Variants in FOXP1 observed in about 807,000 individuals in gnomAD.
The protein encoded by FOXP1 is forkhead box protein P1.
In FOXP1, 15 loss-of-function variants were observed where a neutral mutation model predicts 98.2. The ratio of observed to expected loss-of-function variants is 0.15; its 90% confidence interval spans 0.10 to 0.24. The LOEUF is 0.24. Among genes scored for constraint, FOXP1 ranks in the 10% least tolerant of loss-of-function variants. The probability of loss-of-function intolerance (pLI) is 1.00; values close to 1 mark genes in which losing one functional copy is unlikely to be tolerated. For missense variants in FOXP1, 633 were observed against 848.5 expected (o/e 0.75, Z 3.15); for synonymous variants, 371 against 314.5 (o/e 1.18, Z -1.90).
intron 2 of FOXP1, chr3:71,574,485 G>C (rs942663359): frequency 7.9e-5 from 12 of 152,060 alleles, no homozygotes; most frequent in African/African-American, 2.2e-4. Flanking sequence ...TAATCTTGTA[G>C]GATGCCTTCT....
At chr3:71,374,168 A>C (rs1437332656) in intron 3 of FOXP1, among the ~76,000 whole-genome samples, 1 of 152,200 alleles carries the variant, frequency 6.6e-6, no homozygotes, top group Admixed American at 6.5e-5. Context: ...CGTTTCTAGA[A>C]CGTGTTCTCA....
chr3:71,166,989 G>A (rs896973968), intron 6 of FOXP1, among the ~76,000 whole-genome samples: 19 of 151,950 alleles, frequency 1.3e-4, no homozygotes, highest in Non-Finnish European at 2.9e-5. Flanking sequence ...CGGTTATCTT[G>A]TTCTGTGACA....
At chr3:71,208,679 T>TGTAAG (rs2064231902) in intron 5 of FOXP1, among the ~76,000 whole-genome samples, 1 of 152,152 alleles carries the variant, frequency 6.6e-6, no homozygotes, top group Admixed American at 6.5e-5. Context: ...CATTTGTGTT[T>TGTAAG]ATGAACAAAC....
intron 3 of FOXP1, among the ~76,000 whole-genome samples, chr3:71,393,192 C>T (rs1194293404): frequency 6.6e-6 from 1 of 151,962 alleles, no homozygotes; most frequent in African/African-American, 2.4e-5. Flanking sequence ...ATACTGAAAA[C>T]CCCATGAAGT....
chr3:71,042,453 T>C (rs2106890981), intron 10 of FOXP1, among the ~76,000 whole-genome samples: 1 of 152,262 alleles, frequency 6.6e-6, no homozygotes, highest in African/African-American at 2.4e-5. Context: ...CCCACCTCAA[T>C]GCATATTCTA....
chr3:71,460,342 C>T (rs1032692985), intron 3 of FOXP1, among the ~76,000 whole-genome samples: 5 of 151,960 alleles, frequency 3.3e-5, no homozygotes, highest in African/African-American at 7.3e-5. Context: ...TGGATTCAAG[C>T]GATTCTCCTG....
intron 4 of FOXP1, chr3:71,304,551 T>C (rs2074113187): frequency 6.6e-6 from 1 of 152,198 alleles, no homozygotes; most frequent in African/African-American, 2.4e-5. Context: ...GTGAAAACTA[T>C]TATCTCTATC....
chr3:71,041,351 T>A lies in FOXP1; in HGVS notation c.846A>T (p.Ser282=), dbSNP rs2048310158. The change falls in exon 11 of 21, where the codon TCA becomes TCT. Residue 282 remains serine (S), a synonymous_variant. Transcript: ENST00000649528. The part of the protein sequence containing the change: ...NPHASTNGQL[S]VHTPKRESLS... ...ACCTTTCCCTTTTGGGAGTGTGGAC[T>A]GAGAGCTGTCCATTGGTAGAGGCAT... 2 of 1,613,656 alleles carry A rather than the reference T, an allele frequency of 1.2e-6. No homozygotes were observed. The highest frequency in any genetic ancestry group is 2.2e-5 in the South Asian group (2 of 91,084).
intron 5 of FOXP1, among the ~76,000 whole-genome samples, chr3:71,269,938 A>G (rs970562548): frequency 6.6e-6 from 1 of 152,188 alleles, no homozygotes; most frequent in Non-Finnish European, 1.5e-5. Flanking sequence ...AGTTAGAGGC[A>G]GGGGGGAAAA....
intron 3 of FOXP1, among the ~76,000 whole-genome samples, chr3:71,386,051 A>G (rs953768347): frequency 2.6e-5 from 4 of 152,076 alleles, no homozygotes; most frequent in African/African-American, 7.3e-5. Flanking sequence ...TACCAACTCC[A>G]TTCTCCCAAT....
chr3:71,286,556 C>T (rs964707103), intron 5 of FOXP1, among the ~76,000 whole-genome samples: 3 of 151,960 alleles, frequency 2.0e-5, no homozygotes, highest in African/African-American at 7.3e-5. Flanking sequence ...TGTGCTGGGA[C>T]AAGAGAATGA....
intron 2 of FOXP1, among the ~76,000 whole-genome samples, chr3:71,575,234 C>T (rs2047635551): frequency 2.0e-5 from 3 of 152,158 alleles, no homozygotes. Flanking sequence ...AAAAACAACA[C>T]AGGATGGGCC....
In FOXP1 at chr3:71,331,958, T is replaced by C. The variant is rs150358353; in HGVS notation, c.-73+27192A>G. Among the ~76,000 whole-genome samples, 430 of 152,292 alleles carry C rather than the reference T, an allele frequency of 2.8e-3. 2 individuals are homozygous for C. The highest frequency in any genetic ancestry group is 0.026 in the South Asian group (126 of 4,826). On this transcript the variant is annotated intron_variant, in intron 4 of 20. Coordinates refer to ENST00000649528, the MANE Select transcript of FOXP1 (RefSeq NM_001349338.3). Reference sequence around the variant, plus strand: ...TGCACCAATCAGCACCCTGTCAACATGGACCAATCAGCTCTCTGTAAAACA... The same window carrying C: ...TGCACCAATCAGCACCCTGTCAACACGGACCAATCAGCTCTCTGTAAAACA...
intron 6 of FOXP1, among the ~76,000 whole-genome samples, chr3:71,115,062 A>C (rs934746326): frequency 1.3e-5 from 2 of 152,172 alleles, no homozygotes; most frequent in African/African-American, 4.8e-5. Context: ...ATATATTTTA[A>C]GTGCTATCAT....
At chr3:71,249,685 T>C (rs1297223981) in intron 5 of FOXP1, among the ~76,000 whole-genome samples, 2 of 152,192 alleles carry the variant, frequency 1.3e-5, no homozygotes, top group African/African-American at 4.8e-5. Flanking sequence ...ATAATGAAGC[T>C]GGCCTGGAGT....
intron 3 of FOXP1, among the ~76,000 whole-genome samples, chr3:71,373,536 G>T (rs908788971): frequency 8.5e-5 from 13 of 152,130 alleles, no homozygotes. Flanking sequence ...TATACCAAAT[G>T]ATTTTTCTAT....
chr3:71,034,222 C>T (rs887548427), intron 11 of FOXP1, among the ~76,000 whole-genome samples: 1 of 152,124 alleles, frequency 6.6e-6, no homozygotes, highest in African/African-American at 2.4e-5. Context: ...ATAGGTCTGG[C>T]CCCAAGCTAC....
At chr3:71,109,871 A>G (rs1246747143) in intron 7 of FOXP1, among the ~76,000 whole-genome samples, 1 of 151,974 alleles carries the variant, frequency 6.6e-6, no homozygotes, top group Admixed American at 6.6e-5. Context: ...CAGTCCACCA[A>G]CCTTTTAGAT....
chr3:71,531,760 T>A (rs1054726715), intron 2 of FOXP1, among the ~76,000 whole-genome samples: 9 of 152,180 alleles, frequency 5.9e-5, no homozygotes, highest in Non-Finnish European at 1.0e-4. Context: ...GAAACCTACA[T>A]GGAAAAGGCT....
Sources: allele counts gnomAD v4.1 joint callset (sites outside exome capture counted in the v4.1 genomes callset), GRCh38; gene constraint gnomAD v4.1.1; transcripts MANE v1.5; gene names NCBI Gene and HGNC (gene_info 2026-07-23, HGNC 2026-07-21).